KRI1: variants seen among roughly 807,000 people sequenced by gnomAD.
KRI1 encodes protein KRI1 homolog.
In KRI1, 83 loss-of-function variants were observed where a neutral mutation model predicts 97.0. The observed-to-expected ratio is 0.86, with a 90% CI of 0.72 to 1.03. KRI1 has a LOEUF of 1.03. KRI1 is among the 50% of genes least tolerant of loss of function. The pLI, the probability that KRI1 is intolerant of heterozygous loss-of-function variation, is 0.00. For missense variants in KRI1, 916 were observed against 928.4 expected, an observed-to-expected ratio of 0.99 and a Z score of 0.17; for synonymous variants, 371 against 363.5, an observed-to-expected ratio of 1.02 and a Z score of -0.23.
chr19:10,557,476 G>A (rs1916536714), intron 16 of KRI1, 76 bp downstream of exon 16: 1 of 1,475,668 alleles, frequency 6.8e-7, no homozygotes, highest in African/African-American at 1.4e-5. Context: ...CAGAGATTGG[G>A]ACTCAGGGCC....
intron 11 of KRI1, 29 bp downstream of exon 11, chr19:10,559,584 G>T (rs762995789): frequency 6.2e-7 from 1 of 1,613,510 alleles, no homozygotes; most frequent in Admixed American, 1.7e-5. Context: ...GGGCTGGGGG[G>T]TCCTCCCCAG....
rs754393786 is a variant in KRI1, at chr19:10,561,100, G to A, written c.586-20C>T. The A allele has an allele frequency of 2.7e-5, 43 of 1,613,408 alleles. No homozygotes were observed. The highest frequency in any genetic ancestry group is 5.0e-5 in the Admixed American group (3 of 59,972). On this transcript the variant is annotated intron_variant, in intron 7 of 18. Transcript: ENST00000312962. ...CTGGGCCTGGGGGAAAGCTAGCACT[G>A]AGCATCCGCAGATGCCCAGCCACCC...
In KRI1 at chr19:10,564,996, C is replaced by T. The variant is rs747691938; in HGVS notation, c.207G>A (p.Thr69=). The T allele has an allele frequency of 2.0e-5, 32 of 1,613,684 alleles. No homozygotes were observed. Among genetic ancestry groups the T allele is most frequent in the Non-Finnish European group, 2.5e-5 (30 of 1,179,872 alleles). ...GGTCCTTCTTCTTCAACAAGGAGAG[C>T]GTTTTGTAAAAGTCCCGCTCCTGCT... The part of the protein sequence containing the change: ...DPQQERDFYK[T]LSLLKKKDPR... The change falls in exon 3 of 19, where the codon ACG becomes ACA. Residue 69 remains threonine (T), a synonymous_variant. Transcript: ENST00000312962.
chr19:10,560,574 T>TTTTTATTTTATTTTA, intron 8 of KRI1, 126 bp from the exon 9 acceptor site: 1 of 685,962 alleles, frequency 1.5e-6, no homozygotes, highest in South Asian at 1.9e-5. Flanking sequence ...TGGTTTCTTA[T>TTTTTATTTTATTTTA]TTTTATTTCG....
intron 12 of KRI1, among the ~76,000 whole-genome samples, chr19:10,558,992 A>AT: frequency 6.9e-6 from 1 of 145,614 alleles, no homozygotes; most frequent in South Asian, 2.2e-4. Flanking sequence ...GGTGTGAGCC[A>AT]CTGCACCCGG....
In KRI1 at chr19:10,558,068, C is replaced by G; in HGVS notation, c.1271-8G>C. 1 of 1,614,066 alleles carries G rather than the reference C, an allele frequency of 6.2e-7. No individual in the cohort carries two copies. The highest frequency in any genetic ancestry group is 1.1e-5 in the South Asian group (1 of 91,078). The stretch of plus-strand genomic sequence containing the variant: ...TGTCCCAGTTCCAGTCGTCTGGATG[C>G]AGGGAGAACAGACAGGTGGGGCCAG... On this transcript the variant is annotated splice_polypyrimidine_tract_variant and splice_region_variant and intron_variant, in intron 13 of 18. Transcript: ENST00000312962.
At position 10,553,496 on chromosome 19, in the gene KRI1, C is replaced by T. The variant is rs552975203; in HGVS notation, c.*455G>A. On this transcript the variant is annotated 3_prime_UTR_variant, in exon 19 of 19. Transcript: ENST00000312962. ...GTCTCGAGGTGAGAGCTCCAAGTCA[C>T]GGGAAGTTTAAGTCAGCCTCAGTTT... The T allele has an allele frequency of 1.3e-4, 23 of 183,128 alleles. No homozygotes were observed. The highest frequency in any genetic ancestry group is 9.9e-4 in the Admixed American group (17 of 17,252). 11.3% of individuals were successfully genotyped at this position (183,128 alleles called of 1,614,324 possible).
intron 12 of KRI1, 116 bp from the exon 13 acceptor site, chr19:10,558,355 C>A: frequency 1.1e-6 from 1 of 937,026 alleles, no homozygotes; most frequent in East Asian, 2.5e-5. Context: ...CTAGGGCTCC[C>A]TACAGCCCTC....
At chr19:10,559,758 T>C in intron 10 of KRI1, 50 bp from the exon 11 acceptor site, 1 of 1,613,852 alleles carries the variant, frequency 6.2e-7, no homozygotes, top group Non-Finnish European at 8.5e-7. Context: ...GATGTGGGGT[T>C]CCCTGGGCCT....
intron 3 of KRI1, among the ~76,000 whole-genome samples, chr19:10,563,422 T>G (rs1017913299): frequency 1.3e-5 from 2 of 151,928 alleles, no homozygotes; most frequent in South Asian, 4.2e-4. Flanking sequence ...CTTGGCTTAC[T>G]GCAACCTCCG....
In KRI1 at chr19:10,553,233, G is replaced by C. The variant is rs1916361918; in HGVS notation, c.*718C>G. ...CATTCAGCCAGGGACAGAGCCCACAGAGCCCATACACCTGTCTCCCACCAG... is the reference window on the plus strand; with the variant it reads ...CATTCAGCCAGGGACAGAGCCCACACAGCCCATACACCTGTCTCCCACCAG... On this transcript the variant is annotated 3_prime_UTR_variant, in exon 19 of 19. Transcript: ENST00000312962. The C allele has an allele frequency of 7.9e-6, 7 of 888,180 alleles. No individual in the cohort carries two copies. In the South Asian group the frequency reaches 1.3e-4, roughly 17 times the overall value. 55.0% of individuals were successfully genotyped at this position (888,180 alleles called of 1,614,324 possible). A position where few individuals can be genotyped will look rare whatever the true frequency, so the allele number is the denominator to read the frequency against.
Position 10,557,915 on chromosome 19 carries a change from A to G in KRI1, c.1360-20T>C. On this transcript the variant is annotated intron_variant, in intron 14 of 18. Coordinates refer to ENST00000312962, the MANE Select transcript of KRI1 (RefSeq NM_023008.5). ...GTCCATCTGCCAGGACGCACAGGTC[A>G]GATCCCACCAGCCCCCCGTCAGGGC... The G allele has an allele frequency of 1.2e-6, 2 of 1,613,696 alleles. No individual in the cohort carries two copies. The highest frequency in any genetic ancestry group is 2.7e-5 in the African/African-American group (2 of 75,054).
Position 10,553,585 on chromosome 19 carries a change from T to TTTTC in KRI1, c.*365_*366insGAAA. On this transcript the variant is annotated 3_prime_UTR_variant, in exon 19 of 19. Coordinates refer to ENST00000312962, the MANE Select transcript of KRI1 (RefSeq NM_023008.5). The stretch of plus-strand genomic sequence containing the variant: ...TACACGTGTTTTTTAATTTTTTTTT[T>TTTTC]TTTTTCAAGAGACAGGGTCTTGCTT... 1 of 191,212 alleles carries TTTTC rather than the reference T, an allele frequency of 5.2e-6. No individual in the cohort carries two copies. The highest frequency in any genetic ancestry group is 1.1e-5 in the Non-Finnish European group (1 of 94,084). The allele number at this position is 191,212 out of a possible 1,614,324, so 11.8% of individuals were successfully genotyped here.
At position 10,557,628 on chromosome 19, in the gene KRI1, T is replaced by C. The variant is rs1916544270; in HGVS notation, c.1541A>G (p.Asp514Gly). ...LDEYYRLDYE[D>G]IIDDLPCRFK... is the part of the protein sequence containing the mutation. ...GCGACAGGGCAGGTCGTCGATGATG[T>C]CCTCGTAGTCCAGCCGGTAATACTC... The change falls in exon 16 of 19, where the codon GAC becomes GGC. Residue 514 changes from aspartate (D) to glycine (G), a missense_variant. Transcript: ENST00000312962. 1 of 1,614,160 alleles carries C rather than the reference T, an allele frequency of 6.2e-7. No individual in the cohort carries two copies. The highest frequency in any genetic ancestry group is 8.5e-7 in the Non-Finnish European group (1 of 1,180,020).
Position 10,557,648 on chromosome 19 carries a change from A to C in KRI1, c.1521T>G (p.Tyr507Ter). The C allele has an allele frequency of 6.2e-7, 1 of 1,614,158 alleles. No individual in the cohort carries two copies. Among genetic ancestry groups the C allele is most frequent in the Non-Finnish European group, 8.5e-7 (1 of 1,180,014 alleles). ...DKTFEEYLDE[Y>*]YRLDYEDIID... The stretch of plus-strand genomic sequence containing the variant: ...TGATGTCCTCGTAGTCCAGCCGGTA[A>C]TACTCATCCAGGTACTCCTCGAACG... Residue 507 changes from tyrosine (Y) to a stop codon, truncating the protein, a stop_gained, in exon 16 of 19, where the codon TAT becomes TAG. Transcript: ENST00000312962. LOFTEE classifies it high-confidence loss of function.
intron 3 of KRI1, 120 bp downstream of exon 3, chr19:10,564,809 C>T: frequency 1.3e-6 from 1 of 758,552 alleles, no homozygotes; most frequent in South Asian, 1.4e-5. Flanking sequence ...GTTAGATATA[C>T]TTTACAGACA....
rs1350441670 is a variant in KRI1 at position 10,553,145 on chromosome 19, T to C, written c.*806A>G. On this transcript the variant is annotated 3_prime_UTR_variant, in exon 19 of 19. Coordinates refer to ENST00000312962, the MANE Select transcript of KRI1 (RefSeq NM_023008.5). ...ATGTCGGGTGTGGGATCTTGAGCTCTGGCAGTGATGATGGTACTTCCTGTT... is the reference window on the plus strand; with the variant it reads ...ATGTCGGGTGTGGGATCTTGAGCTCCGGCAGTGATGATGGTACTTCCTGTT... The C allele has an allele frequency of 2.1e-6, 3 of 1,453,824 alleles. No individual in the cohort carries two copies. Among genetic ancestry groups the C allele is most frequent in the East Asian group, 2.5e-5 (1 of 40,602 alleles). 90.1% of individuals were successfully genotyped at this position (1,453,824 alleles called of 1,614,324 possible). A position where few individuals can be genotyped will look rare whatever the true frequency, so the allele number is the denominator to read the frequency against.
intron 16 of KRI1, among the ~76,000 whole-genome samples, chr19:10,556,611 G>C (rs531348754): frequency 6.6e-6 from 1 of 151,604 alleles, no homozygotes; most frequent in African/African-American, 2.4e-5. Context: ...AGTTTGCAGT[G>C]AGCTGAGTTT....
chr19:10,560,070 G>T (rs1177479634), intron 9 of KRI1, 134 bp from the exon 10 acceptor site: 6 of 1,264,726 alleles, frequency 4.7e-6, no homozygotes, highest in Non-Finnish European at 6.4e-6. Context: ...CGCTGCTATT[G>T]TCCTCATTTT....
Sources: allele counts gnomAD v4.1 joint callset (sites outside exome capture counted in the v4.1 genomes callset), GRCh38; gene constraint gnomAD v4.1.1; transcripts MANE v1.5; gene names NCBI Gene and HGNC (gene_info 2026-07-23, HGNC 2026-07-21).